FXN: variants seen among roughly 807,000 people sequenced by gnomAD.
FXN encodes the protein frataxin.
In FXN, 14 loss-of-function variants were observed where a neutral mutation model predicts 22.4. That is an observed-to-expected ratio of 0.62 (90% CI 0.41 to 0.98). The LOEUF (loss-of-function observed/expected upper bound fraction) is 0.98. Among genes scored for constraint, FXN ranks in the 50% least tolerant of loss-of-function variants. The probability of loss-of-function intolerance (pLI) is 0.00; values close to 1 mark genes in which losing one functional copy is unlikely to be tolerated. For synonymous variants in FXN, 120 were observed against 114.1 expected (o/e 1.05, Z -0.33); for missense variants, 267 against 268.4 (o/e 0.99, Z 0.04).
At position 69,075,630 on chromosome 9, in the gene FXN, C is replaced by A; in HGVS notation, c.*2868C>A. The A allele has an allele frequency of 1.0e-6, 1 of 985,342 alleles. No homozygotes were observed. The highest frequency in any genetic ancestry group is 4.7e-5 in the South Asian group (1 of 21,280). 61.0% of individuals were successfully genotyped at this position (985,342 alleles called of 1,614,324 possible). A position where few individuals can be genotyped will look rare whatever the true frequency, so the allele number is the denominator to read the frequency against. On this transcript the variant is annotated 3_prime_UTR_variant, in exon 5 of 5. Coordinates refer to ENST00000484259, the MANE Select transcript of FXN (RefSeq NM_000144.5). Reference sequence around the variant, plus strand: ...CTCATTTATGGTGTGGTCCAGTCATCCATGTGAAGGATGAGTTTCCAGGAA... The same window carrying A: ...CTCATTTATGGTGTGGTCCAGTCATACATGTGAAGGATGAGTTTCCAGGAA...
At chr9:69,061,643 A>G (rs893135176) in intron 3 of FXN, among the ~76,000 whole-genome samples, 5 of 151,732 alleles carry the variant, frequency 3.3e-5, no homozygotes, top group African/African-American at 1.2e-4. Flanking sequence ...AGCATTAGGT[A>G]TAGCTCCTAA....
At chr9:69,059,968 C>T (rs1832035960) in intron 3 of FXN, among the ~76,000 whole-genome samples, 1 of 152,248 alleles carries the variant, frequency 6.6e-6, no homozygotes, top group South Asian at 2.1e-4. Flanking sequence ...TCTCCAGACC[C>T]AACATGCCAT....
chr9:69,036,649 G>A (rs1239672582), intron 1 of FXN, among the ~76,000 whole-genome samples: 2 of 152,230 alleles, frequency 1.3e-5, no homozygotes, highest in African/African-American at 4.8e-5. Context: ...TAAAGGTGAC[G>A]CCCATTTTGC....
chr9:69,076,258 TG>T lies in FXN; in HGVS notation c.*3497del. On this transcript the variant is annotated 3_prime_UTR_variant, in exon 5 of 5. Coordinates refer to ENST00000484259, the MANE Select transcript of FXN (RefSeq NM_000144.5). The stretch of plus-strand genomic sequence containing the variant: ...ATCTATAAAATGGAGATATCTAACA[TG>T]TTGAGCCTGGGCCCACAGGCAAAGC... 3 of 982,630 alleles carry T rather than the reference TG, an allele frequency of 3.1e-6. No individual in the cohort carries two copies. The South Asian group carries it at 1.4e-4, about 46-fold the overall frequency. The allele number at this position is 982,630 out of a possible 1,614,324, so 60.9% of individuals were successfully genotyped here.
rs982686312 is a variant in FXN, at chr9:69,065,136, G to A, written c.482+101G>A. 1.5e-5 allele frequency: 13 copies of A among 882,978 alleles called. No homozygotes were observed. In the African/African-American group the frequency reaches 2.1e-4, roughly 14 times the overall value. The allele number at this position is 882,978 out of a possible 1,614,324, so 54.7% of individuals were successfully genotyped here. ...GAAATGTCGGCTGAGCACAGTGGCT[G>A]ACACCTGTAATCCCAACACTTTGAG... On this transcript the variant is annotated intron_variant, in intron 4 of 4. Transcript: ENST00000484259.
chr9:69,039,725 A>G (rs539619929), intron 1 of FXN, among the ~76,000 whole-genome samples: 15 of 152,128 alleles, frequency 9.9e-5, no homozygotes, highest in Admixed American at 5.9e-4. Context: ...AATACCGGAG[A>G]CAGCTTCGAG....
chr9:69,059,524 C>T (rs776258801), intron 3 of FXN, among the ~76,000 whole-genome samples: 2 of 151,292 alleles, frequency 1.3e-5, no homozygotes, highest in African/African-American at 2.4e-5. Context: ...CTCAGTCTCC[C>T]GAGTAACTGG....
At chr9:69,059,246 C>T (rs1280806918) in intron 3 of FXN, among the ~76,000 whole-genome samples, 2 of 151,950 alleles carry the variant, frequency 1.3e-5, no homozygotes, top group Non-Finnish European at 1.5e-5. Context: ...CCCTTAGATC[C>T]GAACTCAAAA....
intron 1 of FXN, among the ~76,000 whole-genome samples, chr9:69,045,745 G>A (rs746142245): frequency 6.6e-6 from 1 of 152,108 alleles, no homozygotes; most frequent in Admixed American, 6.5e-5. Context: ...CTTGGGTGAG[G>A]GGTACAAAGC....
chr9:69,042,239 G>GA (rs36033050), intron 1 of FXN, among the ~76,000 whole-genome samples: 67,501 of 135,964 alleles, frequency 0.5, 16,561 homozygotes, highest in Middle Eastern at 0.64. Context: ...CTCCGTCTCA[G>GA]AAAAAAAAAA....
intron 1 of FXN, among the ~76,000 whole-genome samples, chr9:69,045,380 G>C (rs1831731277): frequency 1.3e-5 from 2 of 152,042 alleles, no homozygotes; most frequent in Admixed American, 1.3e-4. Context: ...CAGATCACTT[G>C]AGGCCAGGAG....
Position 69,075,000 on chromosome 9 carries a change from G to A in FXN, c.*2238G>A, listed in dbSNP as rs1232921837. The A allele has an allele frequency of 1.0e-6, 1 of 985,382 alleles. No individual in the cohort carries two copies. The highest frequency in any genetic ancestry group is 1.2e-6 in the Non-Finnish European group (1 of 829,900). The allele number at this position is 985,382 out of a possible 1,614,324, so 61.0% of individuals were successfully genotyped here. A position where few individuals can be genotyped will look rare whatever the true frequency, so the allele number is the denominator to read the frequency against. On this transcript the variant is annotated 3_prime_UTR_variant, in exon 5 of 5. Coordinates refer to ENST00000484259, the MANE Select transcript of FXN (RefSeq NM_000144.5). ...TTATCTGGGACACAGCACAAAAGAG[G>A]TATGCAGTGGGGCTGCTCTGACATG...
intron 1 of FXN, among the ~76,000 whole-genome samples, chr9:69,038,666 A>G (rs1017226011): frequency 1.3e-5 from 2 of 151,668 alleles, no homozygotes; most frequent in Non-Finnish European, 2.9e-5. Context: ...TCTCTACTAA[A>G]AACTAGCTCA....
intron 3 of FXN, among the ~76,000 whole-genome samples, chr9:69,058,117 G>A (rs3793456): frequency 0.38 from 57,256 of 152,054 alleles, 11,440 homozygotes; most frequent in Non-Finnish European, 0.43. Context: ...ATACACCCAA[G>A]AGGACATCTG....
chr9:69,071,900 A>G (rs1453043380), intron 4 of FXN, among the ~76,000 whole-genome samples: 3 of 152,232 alleles, frequency 2.0e-5, no homozygotes, highest in East Asian at 3.8e-4. Context: ...AAAAACCAAT[A>G]TAACAACTAT....
rs1297445155 is a variant in FXN, at chr9:69,078,086, C to T, written c.*5324C>T. 1 of 985,274 alleles carries T rather than the reference C, an allele frequency of 1.0e-6. No homozygotes were observed. Among genetic ancestry groups the T allele is most frequent in the Admixed American group, 6.2e-5 (1 of 16,256 alleles). 61.0% of individuals were successfully genotyped at this position (985,274 alleles called of 1,614,324 possible). A position where few individuals can be genotyped will look rare whatever the true frequency, so the allele number is the denominator to read the frequency against. ...AAAAGAAAATGGCTTAAATAAAACC[C>T]TAAGAGAAAGAAAAACTTTAAATCC... On this transcript the variant is annotated 3_prime_UTR_variant, in exon 5 of 5. Transcript: ENST00000484259.
At chr9:69,057,137 A>G (rs1044063839) in intron 3 of FXN, among the ~76,000 whole-genome samples, 1 of 152,176 alleles carries the variant, frequency 6.6e-6, no homozygotes, top group Non-Finnish European at 1.5e-5. Context: ...AATGGCAGTT[A>G]GGGAGGGAAT....
Position 69,075,096 on chromosome 9 carries a change from T to C in FXN, c.*2334T>C, listed in dbSNP as rs781147870. Reference sequence around the variant, plus strand: ...CCAGCCCTTCAGGCCTATTTTACTTTCATTTTACATATAGCTCTAATTGGT... The same window carrying C: ...CCAGCCCTTCAGGCCTATTTTACTTCCATTTTACATATAGCTCTAATTGGT... On this transcript the variant is annotated 3_prime_UTR_variant, in exon 5 of 5. Coordinates refer to ENST00000484259, the MANE Select transcript of FXN (RefSeq NM_000144.5). 8.5e-4 allele frequency: 840 copies of C among 985,324 alleles called. 1 individual carries two copies. Among genetic ancestry groups the C allele is most frequent in the Non-Finnish European group, 9.8e-4 (817 of 829,954 alleles). 61.0% of individuals were successfully genotyped at this position (985,324 alleles called of 1,614,324 possible).
chr9:69,073,303 C>G lies in FXN; in HGVS notation c.*541C>G. 1 of 998,864 alleles carries G rather than the reference C, an allele frequency of 1.0e-6. No homozygotes were observed. The highest frequency in any genetic ancestry group is 1.2e-6 in the Non-Finnish European group (1 of 837,530). The allele number at this position is 998,864 out of a possible 1,614,324, so 61.9% of individuals were successfully genotyped here. ...TCGAAAGCAACTCACACGGGAAGAT[C>G]ATTTCTTATTTGTGCTCTGTGACTG... On this transcript the variant is annotated 3_prime_UTR_variant, in exon 5 of 5. Coordinates refer to ENST00000484259, the MANE Select transcript of FXN (RefSeq NM_000144.5).
Sources: gnomAD v4.1 joint callset for allele counts (sites outside exome capture counted in the v4.1 genomes callset) on GRCh38, gnomAD v4.1.1 for gene constraint, MANE v1.5 for transcripts, NCBI Gene and HGNC (gene_info 2026-07-23, HGNC 2026-07-21) for gene names.